JAK2: variants seen among roughly 807,000 people sequenced by gnomAD.
The protein encoded by JAK2 is tyrosine-protein kinase JAK2.
In JAK2, 86 loss-of-function variants were observed where a neutral mutation model predicts 139.3. That is an observed-to-expected ratio of 0.62 (90% CI 0.52 to 0.74). JAK2 has a LOEUF of 0.74. JAK2 is among the 30% of genes least tolerant of loss of function. JAK2 has a pLI of 0.00. For synonymous variants in JAK2, 490 were observed against 437.7 expected (o/e 1.12, Z -1.49); for missense variants, 1,421 against 1,360.3 (o/e 1.04, Z -0.70).
In JAK2 at chr9:5,128,376, T is replaced by G. The variant is rs192919928; in HGVS notation, c.*1585T>G. ...ATTAGGTTTTAAAAAGATTTTAGAT[T>G]TTTTTGAAAGTTTAATTTTTATTTG... is the stretch of plus-strand genomic sequence containing the variant. On this transcript the variant is annotated 3_prime_UTR_variant, in exon 25 of 25. Coordinates refer to ENST00000381652, the MANE Select transcript of JAK2 (RefSeq NM_004972.4). Among the ~76,000 whole-genome samples, 6 of 151,930 alleles carry G rather than the reference T, an allele frequency of 3.9e-5. No homozygotes were observed. Among genetic ancestry groups the G allele is most frequent in the Admixed American group, 3.9e-4 (6 of 15,254 alleles).
intron 22 of JAK2, among the ~76,000 whole-genome samples, chr9:5,106,521 A>C (rs1821966896): frequency 6.6e-6 from 1 of 152,158 alleles, no homozygotes; most frequent in Admixed American, 6.5e-5. Context: ...AACTAGAAAT[A>C]CCATTTGACC....
At chr9:5,117,194 A>G (rs1029805140) in intron 22 of JAK2, among the ~76,000 whole-genome samples, 1 of 152,240 alleles carries the variant, frequency 6.6e-6, no homozygotes, top group Non-Finnish European at 1.5e-5. Context: ...AACCTCCAGA[A>G]GTATGAGAAA....
At chr9:5,115,328 C>G (rs1823053642) in intron 22 of JAK2, among the ~76,000 whole-genome samples, 1 of 152,154 alleles carries the variant, frequency 6.6e-6, no homozygotes, top group Non-Finnish European at 1.5e-5. Context: ...CATCACTGGT[C>G]ATCAGAGAAA....
intron 4 of JAK2, among the ~76,000 whole-genome samples, chr9:5,042,617 C>A (rs1319697742): frequency 8.2e-6 from 1 of 121,930 alleles, no homozygotes; most frequent in African/African-American, 3.8e-5. Context: ...CCAGCTGCCC[C>A]CGTTAGCGTC....
intron 4 of JAK2, among the ~76,000 whole-genome samples, chr9:5,042,562 G>T (rs1183880766): frequency 6.6e-6 from 1 of 152,092 alleles, no homozygotes; most frequent in Non-Finnish European, 1.5e-5. Flanking sequence ...TTACTTTGCT[G>T]AAGTGAGTAG....
intron 18 of JAK2, 29 bp downstream of exon 18, chr9:5,080,712 T>G: frequency 6.7e-7 from 1 of 1,481,788 alleles, no homozygotes; most frequent in Non-Finnish European, 9.0e-7. Context: ...TTATTGATTT[T>G]CCAGCTTTCT....
chr9:5,123,148 G>C (rs767300844), intron 23 of JAK2, 27 bp downstream of exon 23: 2 of 1,451,710 alleles, frequency 1.4e-6, no homozygotes. Flanking sequence ...TTTACTTTCA[G>C]TTTTTTGTTT....
At chr9:5,002,218 C>G (rs984616367) in intron 2 of JAK2, among the ~76,000 whole-genome samples, 2 of 151,628 alleles carry the variant, frequency 1.3e-5, no homozygotes, top group African/African-American at 4.8e-5. Flanking sequence ...TGTTTTCTAG[C>G]TACCTAGGAA....
intron 8 of JAK2, among the ~76,000 whole-genome samples, chr9:5,056,246 T>C (rs1384951410): frequency 2.0e-5 from 3 of 152,132 alleles, no homozygotes; most frequent in Non-Finnish European, 2.9e-5. Flanking sequence ...CTGTAGGACA[T>C]GGTTGATTCT....
intron 22 of JAK2, among the ~76,000 whole-genome samples, chr9:5,113,087 C>G (rs28378223): frequency 0.38 from 56,912 of 151,642 alleles, 11,975 homozygotes; most frequent in African/African-American, 0.58. Flanking sequence ...CCCCTCACTG[C>G]CCTCGCTCCC....
chr9:5,112,395 G>T, intron 22 of JAK2: 1 of 444,412 alleles, frequency 2.3e-6, no homozygotes, highest in Admixed American at 3.1e-5. Context: ...AATCAAGCGG[G>T]AGGAGGAGGA....
chr9:5,057,707 C>CGA (rs1188488210), intron 8 of JAK2, among the ~76,000 whole-genome samples: 1 of 151,558 alleles, frequency 6.6e-6, no homozygotes, highest in Admixed American at 6.6e-5. Context: ...CTCAGCCTCC[C>CGA]GATAGCTGGG....
At chr9:5,104,458 C>T (rs1821788950) in intron 22 of JAK2, among the ~76,000 whole-genome samples, 1 of 152,334 alleles carries the variant, frequency 6.6e-6, no homozygotes, top group Admixed American at 6.5e-5. Flanking sequence ...CAGATGGACT[C>T]ACAGCCGAAT....
At chr9:5,104,978 AT>A (rs1821832852) in intron 22 of JAK2, among the ~76,000 whole-genome samples, 1 of 152,220 alleles carries the variant, frequency 6.6e-6, no homozygotes, top group Admixed American at 6.5e-5. Flanking sequence ...AACTGGAAGC[AT>A]TCCCTTTGAA....
Position 5,064,989 on chromosome 9 carries a change from C to A in JAK2, c.1163C>A (p.Ala388Glu), listed in dbSNP as rs1482224390. The change falls in exon 9 of 25, where the codon GCA becomes GAA. Residue 388 changes from alanine (A) to glutamate (E), a missense_variant. Ala to Glu is a moderately radical substitution (Grantham distance 107). Transcript: ENST00000381652. ...DAHHYLCKEV[A>E]PPAVLENIQS... ...CATCATTACCTCTGTAAAGAAGTAG[C>A]ACCTCCAGCCGTGCTTGAAAATATA... The A allele has an allele frequency of 6.2e-7, 1 of 1,610,512 alleles. No individual in the cohort carries two copies. The highest frequency in any genetic ancestry group is 1.3e-5 in the African/African-American group (1 of 74,794).
chr9:5,085,309 A>G (rs761268389), intron 19 of JAK2: 13 of 742,644 alleles, frequency 1.8e-5, no homozygotes, highest in Non-Finnish European at 3.3e-5. Flanking sequence ...GGTGAAGTCG[A>G]ATACATCATC....
intron 4 of JAK2, chr9:5,041,178 A>C: frequency 7.8e-7 from 1 of 1,283,676 alleles, no homozygotes; most frequent in Non-Finnish European, 1.1e-6. Context: ...CACACCAAGA[A>C]CCTCATTTAC....
At chr9:5,018,703 T>C (rs1419323280) in intron 2 of JAK2, among the ~76,000 whole-genome samples, 1 of 152,236 alleles carries the variant, frequency 6.6e-6, no homozygotes, top group African/African-American at 2.4e-5. Flanking sequence ...TCTGGTCTAG[T>C]AGTGTTGAAT....
intron 18 of JAK2, among the ~76,000 whole-genome samples, chr9:5,081,361 C>A (rs543186927): frequency 6.6e-6 from 1 of 151,518 alleles, no homozygotes; most frequent in East Asian, 1.9e-4. Flanking sequence ...ATTTGTTTTG[C>A]TTTGTTCTCT....
Sources: allele counts gnomAD v4.1 joint callset (sites outside exome capture counted in the v4.1 genomes callset), GRCh38; gene constraint gnomAD v4.1.1; transcripts MANE v1.5; gene names NCBI Gene and HGNC (gene_info 2026-07-23, HGNC 2026-07-21).